PLA2G6: variants seen among roughly 807,000 people sequenced by gnomAD.
PLA2G6 encodes phospholipase A2 group VI, also known as 85/88 kDa calcium-independent phospholipase A2.
In PLA2G6, 62 loss-of-function variants were observed where a neutral mutation model predicts 83.8. The ratio of observed to expected loss-of-function variants is 0.74; its 90% CI spans 0.60 to 0.91. The LOEUF is 0.91. Among genes scored for constraint, PLA2G6 ranks in the 40% least tolerant of loss-of-function variants. PLA2G6 has a pLI of 0.00. For missense variants in PLA2G6, 944 were observed against 1,102.0 expected (o/e 0.86, Z 2.03); for synonymous variants, 417 against 449.8 (o/e 0.93, Z 0.92).
intron 1 of PLA2G6, among the ~76,000 whole-genome samples, chr22:38,180,669 C>T (rs941710587): frequency 2.0e-5 from 3 of 152,106 alleles, no homozygotes; most frequent in African/African-American, 7.2e-5. Context: ...TCAATTCTGC[C>T]TATGACCCAA....
At position 38,128,085 on chromosome 22, in the gene PLA2G6, G is replaced by C. The variant is rs1423207441; in HGVS notation, c.1348+184C>G. 6.4e-6 allele frequency: 4 copies of C among 623,578 alleles called. No individual in the cohort carries two copies. In the African/African-American group the frequency reaches 7.3e-5, roughly 11 times the overall value. The allele number at this position is 623,578 out of a possible 1,614,324, so 38.6% of individuals were successfully genotyped here. The stretch of plus-strand genomic sequence containing the variant: ...AACGGAGCATGGGACATCAGCCAGG[G>C]ACACCCTAGGCCTCTGGGATCTGTG... On this transcript the variant is annotated intron_variant, in intron 9 of 16. Transcript: ENST00000332509. The surrounding 1 kb of genome is among the most constrained non-coding windows in gnomAD (Gnocchi z 4.4).
At chr22:38,173,838 C>T (rs2090527348) in intron 1 of PLA2G6, among the ~76,000 whole-genome samples, 1 of 151,766 alleles carries the variant, frequency 6.6e-6, no homozygotes, top group African/African-American at 2.4e-5. Flanking sequence ...TTGCTTGAGC[C>T]CAGGAATTTG....
At chr22:38,158,215 G>A (rs2089868871) in intron 2 of PLA2G6, among the ~76,000 whole-genome samples, 1 of 148,414 alleles carries the variant, frequency 6.7e-6, no homozygotes, top group East Asian at 2.0e-4. Context: ...TGTTGCCCAG[G>A]CTGGAGTGCA....
rs1035442267 is a variant in PLA2G6, at chr22:38,123,179, C to A, written c.1507G>T (p.Ala503Ser). Residue 503 changes from alanine (A) to serine (S), a missense_variant, in exon 11 of 17, where the codon GCC (alanine) becomes TCC (serine). Coordinates refer to ENST00000332509, the MANE Select transcript of PLA2G6 (RefSeq NM_003560.4). This position sits in a 1 kb window ranked among gnomAD's most constrained non-coding sequence, Gnocchi z 4.1. Reference sequence around the variant, plus strand: ...AGGTCCTTGGTGGCCACACCCGAGGCCTTCTCGATGGCGATGAGGAGCTGG... The same window carrying A: ...AGGTCCTTGGTGGCCACACCCGAGGACTTCTCGATGGCGATGAGGAGCTGG... ...IIQLLIAIEK[A>S]SGVATKDLFD... 1 of 1,552,168 alleles carries A rather than the reference C, an allele frequency of 6.4e-7. No individual in the cohort carries two copies. Among genetic ancestry groups the A allele is most frequent in the African/African-American group, 1.4e-5 (1 of 73,150 alleles).
intron 1 of PLA2G6, among the ~76,000 whole-genome samples, chr22:38,172,789 A>G (rs1021109705): frequency 6.6e-6 from 1 of 152,224 alleles, no homozygotes; most frequent in Non-Finnish European, 1.5e-5. Context: ...GGTGCAGTGA[A>G]ATCAAAGAAA....
At chr22:38,148,078 T>A (rs1002638984) in intron 2 of PLA2G6, 1 of 200,694 alleles carries the variant, frequency 5.0e-6, no homozygotes, top group Non-Finnish European at 1.0e-5. Context: ...ACATCAAGTG[T>A]TGCCGATATG....
In PLA2G6 at chr22:38,169,245, T is replaced by C. The variant is rs780605573; in HGVS notation, c.182A>G (p.Asn61Ser). ...PNRTWDCVLVNPRNSQSGFRL... is the reference protein window; with the variant it reads ...PNRTWDCVLVSPRNSQSGFRL... The stretch of plus-strand genomic sequence containing the variant: ...GAATCCACTCTGTGAGTTCCTGGGG[T>C]TGACCAGGACGCAGTCCCAGGTGCG... Residue 61 changes from asparagine to serine, a missense_variant, in exon 2 of 17, where the codon AAC (asparagine) becomes AGC (serine). Coordinates refer to ENST00000332509, the MANE Select transcript of PLA2G6 (RefSeq NM_003560.4). The C allele has an allele frequency of 6.2e-7, 1 of 1,613,880 alleles. No homozygotes were observed. The highest frequency in any genetic ancestry group is 1.1e-5 in the South Asian group (1 of 91,056).
intron 1 of PLA2G6, among the ~76,000 whole-genome samples, chr22:38,170,355 A>G (rs928179422): frequency 6.6e-6 from 1 of 152,018 alleles, no homozygotes; most frequent in Non-Finnish European, 1.5e-5. Flanking sequence ...GTTTCCTGCT[A>G]CCACAGGTTT....
chr22:38,116,036 C>T lies in PLA2G6; in HGVS notation c.1879+39G>A. 4 of 1,610,196 alleles carry T rather than the reference C, an allele frequency of 2.5e-6. No homozygotes were observed. The South Asian group carries it at 3.3e-5, about 13-fold the overall frequency. ...ACCCACCACCCCACAGCCTCTCGGG[C>T]CAGTCGCTTCCCATGGATGCATCAA... On this transcript the variant is annotated intron_variant, in intron 13 of 16. Coordinates refer to ENST00000332509, the MANE Select transcript of PLA2G6 (RefSeq NM_003560.4).
intron 2 of PLA2G6, among the ~76,000 whole-genome samples, chr22:38,151,019 G>A (rs983327961): frequency 6.6e-6 from 1 of 152,046 alleles, no homozygotes; most frequent in Non-Finnish European, 1.5e-5. Flanking sequence ...CCTGGGAGGC[G>A]GAGATCGTGC....
Position 38,169,387 on chromosome 22 carries a change from C to T in PLA2G6, c.40G>A (p.Val14Ile), listed in dbSNP as rs766762926. The part of the protein sequence containing the change: ...FGRLVNTFSG[V>I]TNLFSNPFRV... ...AATGGGTTAGAGAACAAGTTGGTGA[C>T]GCCACTGAAGGTATTGACCAGGCGG... is the stretch of plus-strand genomic sequence containing the variant. The change falls in exon 2 of 17, where the codon GTC becomes ATC. Residue 14 changes from valine to isoleucine, a missense_variant. Coordinates refer to ENST00000332509, the MANE Select transcript of PLA2G6 (RefSeq NM_003560.4). 1.7e-5 allele frequency: 27 copies of T among 1,614,126 alleles called. No homozygotes were observed. Among genetic ancestry groups the T allele is most frequent in the Middle Eastern group, 1.6e-4 (1 of 6,084 alleles).
intron 2 of PLA2G6, among the ~76,000 whole-genome samples, chr22:38,156,965 G>C (rs928747492): frequency 6.6e-6 from 1 of 152,106 alleles, no homozygotes; most frequent in Admixed American, 6.6e-5. Context: ...AAACCTGTGA[G>C]ATACAGGGAA....
chr22:38,167,742 C>A (rs2090275901), intron 2 of PLA2G6, among the ~76,000 whole-genome samples: 1 of 152,238 alleles, frequency 6.6e-6, no homozygotes, highest in Non-Finnish European at 1.5e-5. Context: ...TGGAGCCAGG[C>A]TCTGAATTCT....
Position 38,115,649 on chromosome 22 carries a change from C to T in PLA2G6, c.1912G>A (p.Gly638Arg), listed in dbSNP as rs1000303487. Reference protein sequence around the residue: ...QLVWRAARSSGAAPTYFRPNG... With the variant: ...QLVWRAARSSRAAPTYFRPNG... ...GGTCGGAAGTAAGTAGGAGCTGCCC[C>T]GCTGCTTCGGGCCGCCCGCCACACC... Residue 638 changes from glycine (G) to arginine (R), a missense_variant, in exon 14 of 17, where the codon GGG becomes AGG. By Grantham distance (125) the Gly-to-Arg change is moderately radical. Transcript: ENST00000332509. 7 of 1,580,102 alleles carry T rather than the reference C, an allele frequency of 4.4e-6. No individual in the cohort carries two copies. The highest frequency in any genetic ancestry group is 2.0e-4 in the Middle Eastern group (1 of 4,898).
intron 1 of PLA2G6, among the ~76,000 whole-genome samples, chr22:38,176,541 C>T (rs2090638143): frequency 6.6e-6 from 1 of 152,194 alleles, no homozygotes; most frequent in Admixed American, 6.5e-5. Flanking sequence ...CTCCTCCCAC[C>T]CAGTCAAGAC....
intron 11 of PLA2G6, 187 bp from the exon 12 acceptor site, chr22:38,121,096 G>A (rs553737234): frequency 4.5e-5 from 27 of 602,720 alleles, no homozygotes; most frequent in African/African-American, 3.0e-4. Flanking sequence ...ACCTCCTTCC[G>A]GCTGGACATG....
At position 38,169,255 on chromosome 22, in the gene PLA2G6, C is replaced by T. The variant is rs11570605; in HGVS notation, c.172G>A (p.Val58Ile). 4,337 of 1,614,124 alleles carry T rather than the reference C, an allele frequency of 2.7e-3. 100 individuals are homozygous for T. The African/African-American group carries it at 0.049, about 18-fold the overall frequency. The change falls in exon 2 of 17, where the codon GTC becomes ATC. Residue 58 changes from valine (V) to isoleucine (I), a missense_variant. Val to Ile is a conservative substitution (Grantham distance 29). Coordinates refer to ENST00000332509, the MANE Select transcript of PLA2G6 (RefSeq NM_003560.4). ...QNTPNRTWDCVLVNPRNSQSG... is the reference protein window; with the variant it reads ...QNTPNRTWDCILVNPRNSQSG... Reference sequence around the variant, plus strand: ...TGTGAGTTCCTGGGGTTGACCAGGACGCAGTCCCAGGTGCGGTTGGGAGTG... The same window carrying T: ...TGTGAGTTCCTGGGGTTGACCAGGATGCAGTCCCAGGTGCGGTTGGGAGTG...
intron 2 of PLA2G6, among the ~76,000 whole-genome samples, chr22:38,167,316 G>C (rs1218776137): frequency 6.6e-6 from 1 of 152,040 alleles, no homozygotes; most frequent in Non-Finnish European, 1.5e-5. Context: ...TGCTGACAAA[G>C]GACTAAATCC....
chr22:38,162,080 T>C (rs1034847667), intron 2 of PLA2G6, among the ~76,000 whole-genome samples: 1 of 150,940 alleles, frequency 6.6e-6, no homozygotes, highest in Non-Finnish European at 1.5e-5. Context: ...TGGTGGCGGG[T>C]GCCTATAATA....
Sources: allele counts gnomAD v4.1 joint callset (sites outside exome capture counted in the v4.1 genomes callset), GRCh38; gene constraint gnomAD v4.1.1; non-coding constraint Gnocchi (gnomAD v3.1); transcripts MANE v1.5; gene names NCBI Gene and HGNC (gene_info 2026-07-23, HGNC 2026-07-21).